Variants in RFX7 observed in about 807,000 individuals in gnomAD.
RFX7 encodes the protein DNA-binding protein RFX7.
In RFX7, 26 loss-of-function variants were observed where a neutral mutation model predicts 111.8. The ratio of observed to expected loss-of-function variants is 0.23; its 90% CI spans 0.17 to 0.32. The LOEUF (loss-of-function observed/expected upper bound fraction) is 0.32. Ranked by LOEUF, RFX7 falls within the 10% of genes least tolerant of loss-of-function variation. The probability of loss-of-function intolerance (pLI) is 1.00; values close to 1 mark genes in which losing one functional copy is unlikely to be tolerated. For missense variants in RFX7, 1,573 were observed against 1,772.9 expected, an observed-to-expected ratio of 0.89 and a Z score of 2.02; for synonymous variants, 624 against 624.4, an observed-to-expected ratio of 1.00 and a Z score of 0.01.
intron 2 of RFX7, among the ~76,000 whole-genome samples, chr15:56,242,485 C>T (rs1404556421): frequency 3.3e-5 from 5 of 152,124 alleles, no homozygotes; most frequent in African/African-American, 1.2e-4. Context: ...ATTTGATTCC[C>T]TATATTTTAA....
At chr15:56,191,778 T>C (rs1595999284) in intron 2 of RFX7, among the ~76,000 whole-genome samples, 1 of 152,204 alleles carries the variant, frequency 6.6e-6, no homozygotes, top group East Asian at 1.9e-4. Flanking sequence ...ACCAAGCACA[T>C]GGAAAGCCCA....
chr15:56,227,530 T>A (rs756062360), intron 2 of RFX7, among the ~76,000 whole-genome samples: 16 of 152,100 alleles, frequency 1.1e-4, no homozygotes, highest in Non-Finnish European at 1.9e-4. Context: ...ATTAACAAAT[T>A]TTTTTTATTG....
At chr15:56,201,157 T>C (rs1225272876) in intron 2 of RFX7, among the ~76,000 whole-genome samples, 6 of 152,164 alleles carry the variant, frequency 3.9e-5, no homozygotes, top group African/African-American at 1.4e-4. Context: ...GTAGCTAAAA[T>C]GGCCTACAGG....
chr15:56,150,183 C>T (rs2042549263), intron 3 of RFX7, among the ~76,000 whole-genome samples: 1 of 152,212 alleles, frequency 6.6e-6, no homozygotes, highest in Non-Finnish European at 1.5e-5. Context: ...GATTGCCCCT[C>T]TCTGGACAGG....
chr15:56,096,536 C>A lies in RFX7; in HGVS notation c.1192G>T (p.Val398Phe). The A allele has an allele frequency of 6.2e-7, 1 of 1,601,274 alleles. No individual in the cohort carries two copies. Among genetic ancestry groups the A allele is most frequent in the Non-Finnish European group, 8.5e-7 (1 of 1,173,672 alleles). Residue 398 changes from valine (V) to phenylalanine (F), a missense_variant, in exon 10 of 10, where the codon GTC becomes TTC. Val to Phe is a conservative substitution (Grantham distance 50). Around this residue, in one of 7 missense-constraint regions of RFX7, gnomAD observed 288 missense variants for 337.9 expected, o/e 0.85. Coordinates refer to ENST00000559447, the MANE Select transcript of RFX7 (RefSeq NM_022841.7). ...GKVLPLNVQV[V>F]TQHMQSVKQA... ...TTCACAGACTGCATGTGCTGAGTGA[C>A]CACCTGTACATTGAGGGGAAGAACT...
chr15:56,240,307 A>C (rs1486610650), intron 2 of RFX7, among the ~76,000 whole-genome samples: 1 of 152,084 alleles, frequency 6.6e-6, no homozygotes, highest in East Asian at 1.9e-4. Context: ...GTTAACCTAG[A>C]GTTAACTTGA....
At chr15:56,243,064 C>CCCCCCATT in intron 2 of RFX7, 61 bp downstream of exon 2, 1 of 1,128,232 alleles carries the variant, frequency 8.9e-7, no homozygotes, top group Non-Finnish European at 1.2e-6. Context: ...CCGCCCCCCA[C>CCCCCCATT]CCACTTTGCA....
intron 5 of RFX7, among the ~76,000 whole-genome samples, chr15:56,131,389 C>G (rs2042215580): frequency 6.8e-6 from 1 of 147,650 alleles, no homozygotes; most frequent in Non-Finnish European, 1.5e-5. Flanking sequence ...AACTCAGACT[C>G]TCGTATAGCT....
At chr15:56,192,975 C>A in intron 2 of RFX7, 1 of 193,288 alleles carries the variant, frequency 5.2e-6, no homozygotes. Flanking sequence ...ACGGATATTG[C>A]ATCTGTGCTG....
intron 8 of RFX7, among the ~76,000 whole-genome samples, chr15:56,099,508 T>A (rs1160840301): frequency 6.6e-6 from 1 of 152,166 alleles, no homozygotes; most frequent in Non-Finnish European, 1.5e-5. Context: ...CCTCTGCCAA[T>A]GGCTCATAGC....
chr15:56,097,987 C>T (rs926313232), intron 9 of RFX7, 94 bp downstream of exon 9: 31 of 1,132,246 alleles, frequency 2.7e-5, no homozygotes, highest in Middle Eastern at 4.0e-4. Flanking sequence ...TTTGTGGCTA[C>T]TCTTATACCT....
In RFX7 at chr15:56,098,524, G is replaced by T. The variant is rs768899374; in HGVS notation, c.812-148C>A. The stretch of plus-strand genomic sequence containing the variant: ...CTCACAATTTCTTTATGAAGCATTA[G>T]ACTTCGAATTTATAAACAATTGTCA... On this transcript the variant is annotated intron_variant, in intron 8 of 9. Coordinates refer to ENST00000559447, the MANE Select transcript of RFX7 (RefSeq NM_022841.7). The T allele has an allele frequency of 7.7e-5, 56 of 729,566 alleles. 1 individual carries two copies. Among genetic ancestry groups the T allele is most frequent in the Non-Finnish European group, 1.2e-4 (53 of 457,396 alleles). 45.2% of individuals were successfully genotyped at this position (729,566 alleles called of 1,614,324 possible). A position where few individuals can be genotyped will look rare whatever the true frequency, so the allele number is the denominator to read the frequency against.
At chr15:56,144,077 T>G (rs1365385584) in intron 4 of RFX7, among the ~76,000 whole-genome samples, 1 of 152,226 alleles carries the variant, frequency 6.6e-6, no homozygotes, top group Non-Finnish European at 1.5e-5. Flanking sequence ...TTCCTTATGA[T>G]ACTTATCTGT....
intron 3 of RFX7, among the ~76,000 whole-genome samples, chr15:56,159,626 G>A (rs966797746): frequency 6.6e-6 from 1 of 152,146 alleles, no homozygotes; most frequent in Admixed American, 6.5e-5. Context: ...CTCCAGGTTC[G>A]TCTGGGAACA....
Position 56,094,474 on chromosome 15 carries a change from C to T in RFX7, c.3254G>A (p.Ser1085Asn), listed in dbSNP as rs1208818209. Reference sequence around the variant, plus strand: ...ACGGTCTTCCACTAGTTCCTGATAGCTTGGGAGAATACCATGGCCAGAAAC... The same window carrying T: ...ACGGTCTTCCACTAGTTCCTGATAGTTTGGGAGAATACCATGGCCAGAAAC... Reference protein sequence around the residue: ...SSVSGHGILPSYQELVEDRFR... With the variant: ...SSVSGHGILPNYQELVEDRFR... Residue 1085 changes from serine (S) to asparagine (N), a missense_variant, in exon 10 of 10, where the codon AGC becomes AAC. Physicochemically the swap from Ser to Asn is conservative, Grantham distance 46 (BLOSUM62 1). Coordinates refer to ENST00000559447, the MANE Select transcript of RFX7 (RefSeq NM_022841.7). 4 of 1,613,780 alleles carry T rather than the reference C, an allele frequency of 2.5e-6. No individual in the cohort carries two copies. In the African/African-American group the frequency reaches 5.3e-5, roughly 22 times the overall value.
In RFX7 at chr15:56,095,982, A is replaced by G; in HGVS notation, c.1746T>C (p.Pro582=). The G allele has an allele frequency of 6.2e-7, 1 of 1,611,802 alleles. No homozygotes were observed. The highest frequency in any genetic ancestry group is 8.5e-7 in the Non-Finnish European group (1 of 1,179,570). The change falls in exon 10 of 10, where the codon CCT becomes CCC. Residue 582 remains proline, a synonymous_variant. Transcript: ENST00000559447. ...TTATTTCAATGACACCTTCATTTGA[A>G]GGTTTCTGCAGTGCTCCGTCTGTAT... ...KSNTDGALQK[P]SNEGVIEIKA... is the part of the protein sequence containing the mutation.
intron 8 of RFX7, among the ~76,000 whole-genome samples, chr15:56,100,856 G>A (rs1323743981): frequency 6.6e-6 from 1 of 152,026 alleles, no homozygotes; most frequent in African/African-American, 2.4e-5. Context: ...TATCACTCTT[G>A]TTATTTTTTA....
intron 5 of RFX7, among the ~76,000 whole-genome samples, chr15:56,105,549 C>T (rs2041818494): frequency 3.3e-5 from 5 of 152,160 alleles, no homozygotes; most frequent in Admixed American, 3.3e-4. Flanking sequence ...GTCTAAAAAA[C>T]TGAAATCAAA....
At chr15:56,103,329 A>G (rs952061704) in intron 6 of RFX7, among the ~76,000 whole-genome samples, 6 of 152,188 alleles carry the variant, frequency 3.9e-5, no homozygotes, top group Admixed American at 3.9e-4. Context: ...CTAAGGTAAA[A>G]TCTATCACAA....
Sources: gnomAD v4.1 joint callset for allele counts (sites outside exome capture counted in the v4.1 genomes callset) on GRCh38, gnomAD v4.1.1 for gene constraint, gnomAD v4.1.1 regional missense constraint, MANE v1.5 for transcripts, NCBI Gene and HGNC (gene_info 2026-07-23, HGNC 2026-07-21) for gene names.